Variants in RNF130 observed in about 807,000 individuals in gnomAD.
RNF130 encodes E3 ubiquitin-protein ligase RNF130.
A neutral mutation model predicts 44.6 loss-of-function variants in RNF130; 21 were observed. That is an observed-to-expected ratio of 0.47 (90% CI 0.33 to 0.68). The LOEUF (loss-of-function observed/expected upper bound fraction) is 0.68, where lower values mean the gene tolerates loss of function less well. Among genes scored for constraint, RNF130 ranks in the 30% least tolerant of loss-of-function variants. The probability of loss-of-function intolerance (pLI) is 0.02; values close to 1 mark genes in which losing one functional copy is unlikely to be tolerated. For synonymous variants in RNF130, 214 were observed against 210.4 expected, an observed-to-expected ratio of 1.02 and a Z score of -0.15; for missense variants, 479 against 560.6, an observed-to-expected ratio of 0.85 and a Z score of 1.47.
At chr5:179,930,939 G>A (rs1213538853) in intron 7 of RNF130, among the ~76,000 whole-genome samples, 1 of 150,834 alleles carries the variant, frequency 6.6e-6, no homozygotes, top group Non-Finnish European at 1.5e-5. Flanking sequence ...CTACTGGGGA[G>A]GCTGAGGCAT....
At chr5:179,970,771 G>T (rs999631517) in intron 5 of RNF130, among the ~76,000 whole-genome samples, 12 of 152,122 alleles carry the variant, frequency 7.9e-5, no homozygotes, top group African/African-American at 2.9e-4. Flanking sequence ...TTCCAAAAAG[G>T]ACTAATGGAA....
intron 2 of RNF130, among the ~76,000 whole-genome samples, chr5:180,025,968 T>C (rs541021547): frequency 4.4e-4 from 67 of 152,312 alleles, no homozygotes; most frequent in African/African-American, 1.5e-3. Flanking sequence ...ATAAAGTATT[T>C]TTTGTATTCA....
chr5:179,958,035 G>A (rs369309707), intron 8 of RNF130, among the ~76,000 whole-genome samples: 3 of 151,868 alleles, frequency 2.0e-5, no homozygotes, highest in East Asian at 1.9e-4. Flanking sequence ...CCGCCACTAC[G>A]CCCGGCTAAT....
chr5:179,929,788 AC>A (rs148785132), intron 7 of RNF130, among the ~76,000 whole-genome samples: 2,515 of 152,138 alleles, frequency 0.017, 38 homozygotes, highest in Non-Finnish European at 0.022. Context: ...CAGTTTCAAT[AC>A]ACACACCCAC....
chr5:180,057,651 C>T (rs564817047), intron 1 of RNF130, among the ~76,000 whole-genome samples: 47 of 152,254 alleles, frequency 3.1e-4, no homozygotes, highest in African/African-American at 1.1e-3. Context: ...AGGATTATTA[C>T]ACCCCCGCAA....
chr5:180,012,925 C>G, intron 3 of RNF130, 136 bp downstream of exon 3: 1 of 999,242 alleles, frequency 1.0e-6, no homozygotes, highest in South Asian at 1.6e-5. Flanking sequence ...GTAGACGTTT[C>G]CAACATATTA....
At chr5:180,069,641 T>A (rs1765200036) in intron 1 of RNF130, among the ~76,000 whole-genome samples, 1 of 152,226 alleles carries the variant, frequency 6.6e-6, no homozygotes, top group Admixed American at 6.5e-5. Context: ...CGTTTAAACC[T>A]GTCAACAACC....
At chr5:180,064,357 T>C (rs1765050475) in intron 1 of RNF130, among the ~76,000 whole-genome samples, 1 of 152,162 alleles carries the variant, frequency 6.6e-6, no homozygotes, top group Admixed American at 6.5e-5. Context: ...CATGCATCTA[T>C]GAAAAAAGCA....
chr5:179,961,421 T>TA (rs1319960544), intron 8 of RNF130, among the ~76,000 whole-genome samples: 5 of 152,180 alleles, frequency 3.3e-5, no homozygotes, highest in Admixed American at 2.0e-4. Flanking sequence ...ATCCATGACT[T>TA]AGATTCTGAG....
chr5:180,061,122 A>G (rs1764976608), intron 1 of RNF130, among the ~76,000 whole-genome samples: 1 of 151,206 alleles, frequency 6.6e-6, no homozygotes. Flanking sequence ...CTAGTGACAC[A>G]AGCTGCTAGA....
At chr5:179,966,082 C>T (rs1762436842) in intron 7 of RNF130, among the ~76,000 whole-genome samples, 1 of 152,164 alleles carries the variant, frequency 6.6e-6, no homozygotes, top group Non-Finnish European at 1.5e-5. Flanking sequence ...GAAGAGCTGG[C>T]TTGTTGAGGG....
At chr5:179,959,666 T>C (rs941207912) in intron 8 of RNF130, among the ~76,000 whole-genome samples, 3 of 151,666 alleles carry the variant, frequency 2.0e-5, no homozygotes, top group African/African-American at 7.3e-5. Flanking sequence ...AATTCAGAAA[T>C]ACTGAGAGTA....
intron 1 of RNF130, among the ~76,000 whole-genome samples, chr5:180,057,346 T>C (rs898104375): frequency 3.9e-5 from 6 of 152,258 alleles, no homozygotes; most frequent in East Asian, 3.9e-4. Context: ...GTCAGGAGTT[T>C]GAGACCAGCC....
intron 7 of RNF130, among the ~76,000 whole-genome samples, chr5:179,941,307 T>C (rs1279122691): frequency 6.6e-6 from 1 of 152,218 alleles, no homozygotes; most frequent in East Asian, 1.9e-4. Context: ...TCCCATTGCC[T>C]CTGGAAGTGA....
At chr5:180,063,545 A>G (rs117553984) in intron 1 of RNF130, among the ~76,000 whole-genome samples, 2 of 152,356 alleles carry the variant, frequency 1.3e-5, no homozygotes, top group East Asian at 3.9e-4. Context: ...AAAGATACCA[A>G]TAGGAAGCCA....
intron 2 of RNF130, among the ~76,000 whole-genome samples, chr5:180,037,290 G>C (rs1764271454): frequency 1.3e-5 from 2 of 152,206 alleles, no homozygotes; most frequent in Admixed American, 1.3e-4. Context: ...CAGTGCTTGT[G>C]TGAGTATATG....
intron 3 of RNF130, among the ~76,000 whole-genome samples, chr5:180,003,328 G>T (rs1037718493): frequency 3.9e-5 from 6 of 152,198 alleles, no homozygotes; most frequent in African/African-American, 1.2e-4. Flanking sequence ...CAGAGAGCAG[G>T]TGCTGGTGGA....
chr5:180,064,711 G>C (rs1765062676), intron 1 of RNF130, among the ~76,000 whole-genome samples: 1 of 151,974 alleles, frequency 6.6e-6, no homozygotes, highest in Non-Finnish European at 1.5e-5. Flanking sequence ...TGACTCCCTC[G>C]CCCTCCCTAA....
At chr5:179,980,355 T>C (rs1321055259) in intron 3 of RNF130, 155 bp from the exon 4 acceptor site, 14 of 634,392 alleles carry the variant, frequency 2.2e-5, no homozygotes, top group Non-Finnish European at 2.7e-5. Context: ...AAATGGTGGC[T>C]GTATCAAGAT....
Sources: gnomAD v4.1 joint callset for allele counts (sites outside exome capture counted in the v4.1 genomes callset) on GRCh38, gnomAD v4.1.1 for gene constraint, MANE v1.5 for transcripts, NCBI Gene and HGNC (gene_info 2026-07-23, HGNC 2026-07-21) for gene names.